The following CPA5 variants were observed in gnomAD, a reference collection of about 807,000 sequenced individuals.
The protein encoded by CPA5 is carboxypeptidase A5.
Under a neutral mutation model 52.2 loss-of-function variants are expected in CPA5, and 38 were observed. The observed-to-expected ratio is 0.73, with a 90% CI of 0.56 to 0.95. The LOEUF (loss-of-function observed/expected upper bound fraction) is 0.95, where lower values mean the gene tolerates loss of function less well. CPA5 is among the 40% of genes least tolerant of loss of function. The pLI is 0.00. For synonymous variants in CPA5, 198 were observed against 213.7 expected, an observed-to-expected ratio of 0.93 and a Z score of 0.64; for missense variants, 519 against 566.7, an observed-to-expected ratio of 0.92 and a Z score of 0.86.
At position 130,346,611 on chromosome 7, in the gene CPA5, T is replaced by A; in HGVS notation, c.116+10T>A. 1 of 1,606,098 alleles carries A rather than the reference T, an allele frequency of 6.2e-7. No homozygotes were observed. The highest frequency in any genetic ancestry group is 8.5e-7 in the Non-Finnish European group (1 of 1,172,932). ...AAATGAATTTCACAGGGTGAGTGGC[T>A]GCTCCACAGTGGGAGGGAGGACTGG... On this transcript the variant is annotated intron_variant, in intron 3 of 12. Coordinates refer to ENST00000474905, the MANE Select transcript of CPA5 (RefSeq NM_080385.5).
chr7:130,374,123 G>T, the CPA5 span, among the ~76,000 whole-genome samples: 2 of 152,302 alleles, frequency 1.3e-5, no homozygotes, highest in South Asian at 4.1e-4. Flanking sequence ...AATGTTCCCA[G>T]GCAGCAGGTC....
At chr7:130,358,334 A>G (rs1026537785) in intron 5 of CPA5, among the ~76,000 whole-genome samples, 9 of 152,046 alleles carry the variant, frequency 5.9e-5, no homozygotes, top group African/African-American at 1.7e-4. Flanking sequence ...TTTAGTTTTG[A>G]TAGTTGGCCT....
At chr7:130,353,315 C>A (rs368610880) in intron 5 of CPA5, among the ~76,000 whole-genome samples, 11 of 152,268 alleles carry the variant, frequency 7.2e-5, no homozygotes, top group Middle Eastern at 3.4e-3. Context: ...CAGATCCAAC[C>A]CGATGGCCGA....
chr7:130,366,493 C>A (rs1170251220), intron 10 of CPA5, among the ~76,000 whole-genome samples: 1 of 152,146 alleles, frequency 6.6e-6, no homozygotes, highest in Non-Finnish European at 1.5e-5. Flanking sequence ...GGCAAAGAGT[C>A]CAGGGGGAAA....
Position 130,368,688 on chromosome 7 carries a change from C to T in CPA5, c.*91C>T, listed in dbSNP as rs1554409445. 16 of 1,291,552 alleles carry T rather than the reference C, an allele frequency of 1.2e-5. No individual in the cohort carries two copies. The highest frequency in any genetic ancestry group is 1.5e-5 in the Non-Finnish European group (14 of 912,260). 80.0% of individuals were successfully genotyped at this position (1,291,552 alleles called of 1,614,324 possible). A position where few individuals can be genotyped will look rare whatever the true frequency, so the allele number is the denominator to read the frequency against. ...AGTTATGCATCCCCATCCCCATGCC[C>T]TCATCCCGACCTCTTAGAAAATAAA... On this transcript the variant is annotated 3_prime_UTR_variant, in exon 13 of 13. Coordinates refer to ENST00000474905, the MANE Select transcript of CPA5 (RefSeq NM_080385.5).
intron 5 of CPA5, among the ~76,000 whole-genome samples, chr7:130,351,461 C>T: frequency 6.6e-6 from 1 of 152,226 alleles, no homozygotes; most frequent in East Asian, 1.9e-4. Context: ...TTAGCCTGTC[C>T]TCTCCCCACA....
Position 130,362,971 on chromosome 7 carries a change from G to A in CPA5, c.724G>A (p.Gly242Arg). ...CATAGAGCTCGTCACAAACCCTGAT[G>A]GGTTTGCTTTTACCCACAGCATGGT... The part of the protein sequence containing the change: ...IFIELVTNPD[G>R]FAFTHSMNRL... The change falls in exon 9 of 13, where the codon GGG (glycine) becomes AGG (arginine). Residue 242 changes from glycine (G) to arginine (R), a missense_variant. By Grantham distance (125) the Gly-to-Arg change is moderately radical. Coordinates refer to ENST00000474905, the MANE Select transcript of CPA5 (RefSeq NM_080385.5). 1.2e-6 allele frequency: 2 copies of A among 1,612,656 alleles called. No individual in the cohort carries two copies. The highest frequency in any genetic ancestry group is 1.7e-6 in the Non-Finnish European group (2 of 1,178,692).
chr7:130,365,181 G>A (rs1014342097), intron 10 of CPA5, among the ~76,000 whole-genome samples: 1 of 152,184 alleles, frequency 6.6e-6, no homozygotes, highest in Non-Finnish European at 1.5e-5. Flanking sequence ...GCCCTAGCGT[G>A]GGGGTTGTAA....
chr7:130,355,307 T>C (rs140143931), intron 5 of CPA5, among the ~76,000 whole-genome samples: 43 of 152,330 alleles, frequency 2.8e-4, no homozygotes, highest in African/African-American at 9.1e-4. Context: ...CTCATCATCA[T>C]AGCTAACATT....
downstream of CPA5, among the ~76,000 whole-genome samples, chr7:130,371,068 C>T (rs1796290619): frequency 6.6e-6 from 1 of 152,214 alleles, no homozygotes; most frequent in South Asian, 2.1e-4. Context: ...ACAGGCATCA[C>T]ATCACCTGGG....
intron 5 of CPA5, among the ~76,000 whole-genome samples, chr7:130,352,399 A>T (rs1554404156): frequency 2.0e-5 from 3 of 152,084 alleles, no homozygotes; most frequent in Non-Finnish European, 2.9e-5. Flanking sequence ...AATGGAGTGG[A>T]TGAGCGACTG....
downstream of CPA5, among the ~76,000 whole-genome samples, chr7:130,371,982 C>T (rs1020746355): frequency 7.9e-5 from 12 of 152,202 alleles, no homozygotes; most frequent in Non-Finnish European, 1.5e-4. Flanking sequence ...CCTCTCAGTT[C>T]CCTCAACACC....
chr7:130,368,478 C>T lies in CPA5; in HGVS notation c.1192C>T (p.Leu398Phe). ...SGIKYAFSFE[L>F]RDTGQYGFLL... ...CATCAAGTACGCCTTCAGCTTTGAG[C>T]TCCGGGACACTGGGCAGTATGGCTT... The change falls in exon 13 of 13, where the codon CTC becomes TTC. Residue 398 changes from leucine to phenylalanine, a missense_variant. Transcript: ENST00000474905. 2 of 1,614,164 alleles carry T rather than the reference C, an allele frequency of 1.2e-6. No homozygotes were observed. Among genetic ancestry groups the T allele is most frequent in the Admixed American group, 1.7e-5 (1 of 60,030 alleles).
At chr7:130,363,607 G>C (rs782363854) in intron 10 of CPA5, 98 bp downstream of exon 10, 3 of 1,012,296 alleles carry the variant, frequency 3.0e-6, no homozygotes, top group Non-Finnish European at 4.5e-6. Flanking sequence ...CAACTTGGGA[G>C]GCATGGGACA....
In CPA5 at chr7:130,368,655, G is replaced by A. The variant is rs1214047443; in HGVS notation, c.*58G>A. The A allele has an allele frequency of 1.1e-5, 17 of 1,573,714 alleles. No individual in the cohort carries two copies. The highest frequency in any genetic ancestry group is 6.7e-5 in the East Asian group (3 of 44,638). On this transcript the variant is annotated 3_prime_UTR_variant, in exon 13 of 13. Coordinates refer to ENST00000474905, the MANE Select transcript of CPA5 (RefSeq NM_080385.5). Reference sequence around the variant, plus strand: ...CTCCCCAAGGTCTGTGGCTCCTCCCGAAACCCAAGTTATGCATCCCCATCC... The same window carrying A: ...CTCCCCAAGGTCTGTGGCTCCTCCCAAAACCCAAGTTATGCATCCCCATCC...
At chr7:130,369,634 T>C (rs1266988481), downstream of CPA5, among the ~76,000 whole-genome samples, 1 of 152,020 alleles carries the variant, frequency 6.6e-6, no homozygotes, top group African/African-American at 2.4e-5. Context: ...TTTGTGTGTG[T>C]GCGTGTGTGT....
Position 130,362,963 on chromosome 7 carries a change from AC to A in CPA5, c.719del (p.Pro240LeufsTer10). On this transcript the variant is annotated frameshift_variant, in exon 9 of 13. Coordinates refer to ENST00000474905, the MANE Select transcript of CPA5 (RefSeq NM_080385.5). LOFTEE classifies it high-confidence loss of function. ...AMDIFIELVT[N>X]PDGFAFTHSM... is the part of the protein sequence containing the mutation. ...GACATCTTCATAGAGCTCGTCACAA[AC>A]CCTGATGGGTTTGCTTTTACCCACA... 1.2e-6 allele frequency: 2 copies of A among 1,613,046 alleles called. No individual in the cohort carries two copies. Among genetic ancestry groups the A allele is most frequent in the Non-Finnish European group, 1.7e-6 (2 of 1,179,198 alleles).
At chr7:130,346,853 C>A (rs527463200) in intron 3 of CPA5, among the ~76,000 whole-genome samples, 1 of 152,134 alleles carries the variant, frequency 6.6e-6, no homozygotes, top group East Asian at 1.9e-4. Context: ...CCAAGAATCC[C>A]CTGAAACCAC....
chr7:130,353,784 A>T (rs1554404600), intron 5 of CPA5, among the ~76,000 whole-genome samples: 1 of 152,058 alleles, frequency 6.6e-6, no homozygotes, highest in Non-Finnish European at 1.5e-5. Flanking sequence ...TTGATTCCTT[A>T]TTACCTAATC....
Sources: allele counts gnomAD v4.1 joint callset (sites outside exome capture counted in the v4.1 genomes callset), GRCh38; gene constraint gnomAD v4.1.1; transcripts MANE v1.5; gene names NCBI Gene and HGNC (gene_info 2026-07-23, HGNC 2026-07-21).